The following GLDN variants were observed in gnomAD, a reference collection of about 807,000 sequenced individuals.
GLDN encodes the protein gliomedin.
Under a neutral mutation model 56.5 loss-of-function variants are expected in GLDN, and 47 were observed. The observed-to-expected ratio is 0.83, with a 90% CI of 0.66 to 1.06. The LOEUF is 1.06. GLDN is among the 50% of genes least tolerant of loss of function. The probability of loss-of-function intolerance (pLI) is 0.00; values close to 1 mark genes in which losing one functional copy is unlikely to be tolerated. For synonymous variants in GLDN, 332 were observed against 278.8 expected, an observed-to-expected ratio of 1.19 and a Z score of -1.90; for missense variants, 782 against 714.3, an observed-to-expected ratio of 1.09 and a Z score of -1.08.
chr15:51,401,335 G>T (rs1428723067), intron 8 of GLDN, among the ~76,000 whole-genome samples: 1 of 152,232 alleles, frequency 6.6e-6, no homozygotes, highest in Non-Finnish European at 1.5e-5. Flanking sequence ...ATAGAGTGGG[G>T]TGGGAGAGGG....
chr15:51,378,979 A>G (rs2037696091), intron 2 of GLDN, among the ~76,000 whole-genome samples: 1 of 152,162 alleles, frequency 6.6e-6, no homozygotes, highest in Non-Finnish European at 1.5e-5. Context: ...GACTGGGAAC[A>G]AGGTTTAGCT....
At chr15:51,373,606 G>A (rs1331648989) in intron 1 of GLDN, among the ~76,000 whole-genome samples, 2 of 152,204 alleles carry the variant, frequency 1.3e-5, no homozygotes, top group African/African-American at 4.8e-5. Context: ...CTGACTTGAG[G>A]CATCAGTGAA....
rs1304564771 is a variant in GLDN, at chr15:51,400,385, C to T, written c.914C>T (p.Thr305Ile). Reference sequence around the variant, plus strand: ...CTTCTTTTGGCAGAATCCATGATCACTTCCATTGGAAACCCAGTGCAAGTA... The same window carrying T: ...CTTCTTTTGGCAGAATCCATGATCATTTCCATTGGAAACCCAGTGCAAGTA... ...HHSPQAESMITSIGNPVQVLK... is the reference protein window; with the variant it reads ...HHSPQAESMIISIGNPVQVLK... The change falls in exon 8 of 10, where the codon ACT becomes ATT. Residue 305 changes from threonine to isoleucine, a missense_variant. Physicochemically the swap from Thr to Ile is moderately conservative, Grantham distance 89. Coordinates refer to ENST00000335449, the MANE Select transcript of GLDN (RefSeq NM_181789.4). 1.2e-6 allele frequency: 2 copies of T among 1,614,180 alleles called. No individual in the cohort carries two copies. Among genetic ancestry groups the T allele is most frequent in the East Asian group, 4.5e-5 (2 of 44,884 alleles).
chr15:51,366,831 G>A (rs774639258), intron 1 of GLDN, among the ~76,000 whole-genome samples: 16 of 152,146 alleles, frequency 1.1e-4, no homozygotes, highest in Middle Eastern at 3.4e-3. Context: ...CTGGGAGGTC[G>A]GGGCTGCCAC....
At chr15:51,359,993 A>AAG in intron 1 of GLDN, among the ~76,000 whole-genome samples, 1 of 151,840 alleles carries the variant, frequency 6.6e-6, no homozygotes, top group African/African-American at 2.4e-5. Flanking sequence ...AAAAAAAAAA[A>AAG]AAGAAGAAAG....
intron 1 of GLDN, among the ~76,000 whole-genome samples, chr15:51,363,712 G>A (rs779255210): frequency 4.6e-5 from 7 of 152,230 alleles, no homozygotes; most frequent in Non-Finnish European, 8.8e-5. Flanking sequence ...GTTTCGAGAA[G>A]GAGGCAGCAT....
intron 4 of GLDN, 26 bp downstream of exon 4, chr15:51,383,918 A>C: frequency 6.8e-7 from 1 of 1,480,270 alleles, no homozygotes; most frequent in Non-Finnish European, 9.3e-7. Context: ...CTTCTAATTA[A>C]TTTCCCTGTT....
chr15:51,402,483 A>G (rs150804922), intron 9 of GLDN, among the ~76,000 whole-genome samples: 2,510 of 152,348 alleles, frequency 0.016, 28 homozygotes, highest in Middle Eastern at 0.065. Flanking sequence ...CTTGGACAAG[A>G]GACAGCACTT....
chr15:51,355,688 T>C (rs936480287), intron 1 of GLDN, among the ~76,000 whole-genome samples: 1 of 150,808 alleles, frequency 6.6e-6, no homozygotes, highest in Non-Finnish European at 1.5e-5. Flanking sequence ...CACACCCGGC[T>C]AATCTTTTGT....
chr15:51,375,582 C>T (rs1321665756), intron 1 of GLDN, among the ~76,000 whole-genome samples: 1 of 152,118 alleles, frequency 6.6e-6, no homozygotes, highest in East Asian at 1.9e-4. Flanking sequence ...AAGGGGTATA[C>T]GGTGGGTGTG....
intron 1 of GLDN, among the ~76,000 whole-genome samples, chr15:51,373,082 C>T (rs764685546): frequency 2.0e-5 from 3 of 152,132 alleles, no homozygotes; most frequent in Admixed American, 6.5e-5. Flanking sequence ...ATTATGTTTC[C>T]AACACATGCA....
At chr15:51,376,418 G>C (rs1023724731) in intron 1 of GLDN, among the ~76,000 whole-genome samples, 2 of 152,194 alleles carry the variant, frequency 1.3e-5, no homozygotes, top group South Asian at 4.1e-4. Flanking sequence ...TACAGAACTG[G>C]GGTAGCTCTG....
intron 4 of GLDN, chr15:51,385,091 G>T (rs925135492): frequency 1.3e-5 from 2 of 152,160 alleles, no homozygotes; most frequent in African/African-American, 4.8e-5. Context: ...TCCTCAGAAG[G>T]CCAGTAATTA....
At chr15:51,380,024 C>A (rs1163395018) in intron 2 of GLDN, among the ~76,000 whole-genome samples, 1 of 152,158 alleles carries the variant, frequency 6.6e-6, no homozygotes, top group African/African-American at 2.4e-5. Flanking sequence ...CCCCACCTTT[C>A]CTGCACTTGT....
Position 51,394,838 on chromosome 15 carries a change from T to A in GLDN, c.545T>A (p.Ile182Lys). 1 of 1,613,798 alleles carries A rather than the reference T, an allele frequency of 6.2e-7. No individual in the cohort carries two copies. The highest frequency in any genetic ancestry group is 8.5e-7 in the Non-Finnish European group (1 of 1,179,864). ...GANGKRGKMG[I>K]PGAAGNPGER... ...TGTCTTTTGTTTTTTTGGTCAGGGA[T>A]ACCTGGAGCTGCAGGAAATCCAGGG... is the stretch of plus-strand genomic sequence containing the variant. Residue 182 changes from isoleucine (I) to lysine (K), a missense_variant, in exon 5 of 10, where the codon ATA becomes AAA. By Grantham distance (102) the Ile-to-Lys change is moderately radical. Transcript: ENST00000335449.
chr15:51,390,627 C>G (rs180744923), intron 4 of GLDN, among the ~76,000 whole-genome samples: 1 of 152,118 alleles, frequency 6.6e-6, no homozygotes, highest in African/African-American at 2.4e-5. Flanking sequence ...TGGCCCCTTT[C>G]CCCCGCCTTA....
downstream of GLDN, among the ~76,000 whole-genome samples, chr15:51,411,602 A>C (rs551656478): frequency 3.5e-4 from 53 of 152,358 alleles, no homozygotes; most frequent in African/African-American, 1.3e-3. Flanking sequence ...CTGCCATTGT[A>C]GTTGAAAACT....
chr15:51,399,920 T>C (rs992314765), intron 6 of GLDN, among the ~76,000 whole-genome samples: 1 of 152,234 alleles, frequency 6.6e-6, no homozygotes, highest in Non-Finnish European at 1.5e-5. Flanking sequence ...GCCACTTTGT[T>C]GCTTTTACTG....
At chr15:51,377,559 C>T (rs1276610243) in intron 2 of GLDN, 59 bp downstream of exon 2, 6 of 1,388,236 alleles carry the variant, frequency 4.3e-6, no homozygotes, top group African/African-American at 1.4e-5. Flanking sequence ...GCTGAAGGCC[C>T]GTGGCAGAAT....
Sources: allele counts gnomAD v4.1 joint callset (sites outside exome capture counted in the v4.1 genomes callset), GRCh38; gene constraint gnomAD v4.1.1; transcripts MANE v1.5; gene names NCBI Gene and HGNC (gene_info 2026-07-23, HGNC 2026-07-21).